The following DLGAP1 variants were observed in gnomAD, a reference collection of about 807,000 sequenced individuals.
The protein encoded by DLGAP1 is disks large-associated protein 1.
In DLGAP1, 11 loss-of-function variants were observed where a neutral mutation model predicts 90.8. The observed-to-expected ratio is 0.12, with a 90% CI of 0.08 to 0.20. DLGAP1 has a LOEUF of 0.20. Among genes scored for constraint, DLGAP1 ranks in the 10% least tolerant of loss-of-function variants. DLGAP1 has a pLI of 1.00. For synonymous variants in DLGAP1, 558 were observed against 540.7 expected, an observed-to-expected ratio of 1.03 and a Z score of -0.44; for missense variants, 1,050 against 1,333.8, an observed-to-expected ratio of 0.79 and a Z score of 3.31.
At chr18:3,924,583 T>C (rs745447407) in intron 3 of DLGAP1, among the ~76,000 whole-genome samples, 3 of 152,172 alleles carry the variant, frequency 2.0e-5, no homozygotes, top group Non-Finnish European at 4.4e-5. Flanking sequence ...TTTCCTCCCC[T>C]GAAAGTGTGA....
chr18:3,636,913 CG>C (rs2058739332), intron 7 of DLGAP1, among the ~76,000 whole-genome samples: 4 of 149,576 alleles, frequency 2.7e-5, no homozygotes, highest in African/African-American at 9.9e-5. Flanking sequence ...TCAATAGAGA[CG>C]GAGTTTCACC....
chr18:3,991,374 G>A (rs1313984244), intron 3 of DLGAP1, among the ~76,000 whole-genome samples: 1 of 152,150 alleles, frequency 6.6e-6, no homozygotes, highest in Admixed American at 6.5e-5. Flanking sequence ...TCAAGGAAAA[G>A]TTTAAGAGAC....
At chr18:3,647,716 TG>T (rs1280871292) in intron 7 of DLGAP1, among the ~76,000 whole-genome samples, 1 of 152,140 alleles carries the variant, frequency 6.6e-6, no homozygotes, top group African/African-American at 2.4e-5. Flanking sequence ...TGGCCCTCCT[TG>T]GCCTCTCAAA....
intron 2 of DLGAP1, among the ~76,000 whole-genome samples, chr18:4,141,876 G>A (rs188789946): frequency 2.0e-5 from 3 of 151,990 alleles, no homozygotes; most frequent in African/African-American, 7.2e-5. Context: ...TTCCTTCTCT[G>A]TTTTATCTTG....
intron 1 of DLGAP1, among the ~76,000 whole-genome samples, chr18:4,335,860 T>A (rs2081056871): frequency 6.6e-6 from 1 of 152,220 alleles, no homozygotes; most frequent in Non-Finnish European, 1.5e-5. Context: ...CTTTTGAAAT[T>A]GAAAATTCTA....
chr18:4,125,728 C>T (rs925200296), intron 2 of DLGAP1, among the ~76,000 whole-genome samples: 10 of 152,146 alleles, frequency 6.6e-5, no homozygotes, highest in African/African-American at 2.2e-4. Context: ...GGGAAAGTAA[C>T]GGACGTTGAA....
intron 1 of DLGAP1, among the ~76,000 whole-genome samples, chr18:4,255,293 G>A (rs1256594524): frequency 1.3e-5 from 2 of 152,020 alleles, no homozygotes; most frequent in East Asian, 3.9e-4. Flanking sequence ...GTCCTAAGTG[G>A]CAGATTTCTG....
intron 3 of DLGAP1, among the ~76,000 whole-genome samples, chr18:3,936,598 T>C (rs749338110): frequency 2.6e-5 from 4 of 152,222 alleles, no homozygotes; most frequent in Non-Finnish European, 4.4e-5. Flanking sequence ...TCCTGTCTAT[T>C]AGATTGTGAA....
intron 1 of DLGAP1, among the ~76,000 whole-genome samples, chr18:4,420,158 T>G (rs973157858): frequency 6.6e-6 from 1 of 152,154 alleles, no homozygotes; most frequent in Non-Finnish European, 1.5e-5. Context: ...ATTCTAAATA[T>G]GTACCCTAGA....
chr18:4,358,432 A>G (rs1241579752), intron 1 of DLGAP1, among the ~76,000 whole-genome samples: 1 of 152,210 alleles, frequency 6.6e-6, no homozygotes, highest in Non-Finnish European at 1.5e-5. Flanking sequence ...CTAATGTGGC[A>G]TACTGGAGAA....
intron 3 of DLGAP1, among the ~76,000 whole-genome samples, chr18:3,908,597 A>C (rs1050658858): frequency 6.6e-6 from 1 of 152,148 alleles, no homozygotes; most frequent in Non-Finnish European, 1.5e-5. Flanking sequence ...TGTGTTTTTA[A>C]TAGATACACT....
At chr18:4,431,689 T>A (rs1386837568) in intron 1 of DLGAP1, among the ~76,000 whole-genome samples, 1 of 152,254 alleles carries the variant, frequency 6.6e-6, no homozygotes, top group Admixed American at 6.5e-5. Flanking sequence ...GCAACTCATA[T>A]TATTAATGAG....
intron 7 of DLGAP1, among the ~76,000 whole-genome samples, chr18:3,592,260 C>T (rs2056288010): frequency 6.6e-6 from 1 of 152,236 alleles, no homozygotes; most frequent in Non-Finnish European, 1.5e-5. Flanking sequence ...GACAAGTTTG[C>T]TGCTGCTGCT....
intron 4 of DLGAP1, among the ~76,000 whole-genome samples, chr18:3,856,756 G>C (rs1313635599): frequency 6.6e-6 from 1 of 151,926 alleles, no homozygotes; most frequent in African/African-American, 2.4e-5. Flanking sequence ...AGCTACTCGG[G>C]AGGCTGAGGC....
At chr18:4,112,158 T>G (rs1034323696) in intron 2 of DLGAP1, among the ~76,000 whole-genome samples, 4 of 152,074 alleles carry the variant, frequency 2.6e-5, no homozygotes, top group African/African-American at 7.2e-5. Context: ...CTAATTTCCC[T>G]TGTGACTTCT....
At chr18:3,675,257 G>C (rs943494608) in intron 7 of DLGAP1, among the ~76,000 whole-genome samples, 20 of 152,220 alleles carry the variant, frequency 1.3e-4, no homozygotes, top group African/African-American at 4.8e-4. Context: ...TTTTAGTAGA[G>C]ACGGGATTTC....
rs542015248 is a variant in DLGAP1 at position 4,432,397 on chromosome 18, T to C, written c.-267+22609A>G. Among the ~76,000 whole-genome samples the C allele has an allele frequency of 2.9e-3, 441 of 152,272 alleles. 2 individuals are homozygous for C. Among genetic ancestry groups the C allele is most frequent in the African/African-American group, 0.01 (422 of 41,544 alleles). ...GGCAGTATCTGATATTTGTTAATGTTTTCCCCACCTCTGATATTAAATTTT... is the reference window on the plus strand; with the variant it reads ...GGCAGTATCTGATATTTGTTAATGTCTTCCCCACCTCTGATATTAAATTTT... On this transcript the variant is annotated intron_variant, in intron 1 of 12. Coordinates refer to ENST00000315677, the MANE Select transcript of DLGAP1 (RefSeq NM_004746.4).
rs559058556 is a variant in DLGAP1, at chr18:4,288,827, T to C, written c.-266-137540A>G. Among the ~76,000 whole-genome samples the C allele has an allele frequency of 1.2e-4, 19 of 152,240 alleles. No individual in the cohort carries two copies. In the East Asian group the frequency reaches 1.5e-3, roughly 12 times the overall value. Reference sequence around the variant, plus strand: ...GGCAGAATTTTAGTCTTTGGTGTAATTGGGATTTGATTCGCATAACAGGTT... The same window carrying C: ...GGCAGAATTTTAGTCTTTGGTGTAACTGGGATTTGATTCGCATAACAGGTT... On this transcript the variant is annotated intron_variant, in intron 1 of 12. Coordinates refer to ENST00000315677, the MANE Select transcript of DLGAP1 (RefSeq NM_004746.4).
chr18:4,239,313 TA>T (rs1252417553), intron 1 of DLGAP1, among the ~76,000 whole-genome samples: 8 of 152,246 alleles, frequency 5.3e-5, no homozygotes, highest in East Asian at 3.9e-4. Flanking sequence ...TGACATCATT[TA>T]AAAAAAATTA....
Sources: allele counts gnomAD v4.1 joint callset (sites outside exome capture counted in the v4.1 genomes callset), GRCh38; gene constraint gnomAD v4.1.1; transcripts MANE v1.5; gene names NCBI Gene and HGNC (gene_info 2026-07-23, HGNC 2026-07-21).